Variants in CUX2 observed in about 807,000 individuals in gnomAD.
CUX2 encodes the protein homeobox protein cut-like 2.
Under a neutral mutation model 144.8 loss-of-function variants are expected in CUX2, and 40 were observed. That is an observed-to-expected ratio of 0.28 (90% confidence interval 0.21 to 0.36). The LOEUF (loss-of-function observed/expected upper bound fraction) is 0.36. Ranked by LOEUF, CUX2 falls within the 10% of genes least tolerant of loss-of-function variation. The pLI, the probability that CUX2 is intolerant of heterozygous loss-of-function variation, is 1.00. For synonymous variants in CUX2, 827 were observed against 875.6 expected (o/e 0.94, Z 0.98); for missense variants, 1,615 against 1,994.0 (o/e 0.81, Z 3.62).
chr12:111,310,735 A>G lies in CUX2; in HGVS notation c.1900+53A>G. On this transcript the variant is annotated intron_variant, in intron 15 of 21. Coordinates refer to ENST00000261726, the MANE Select transcript of CUX2 (RefSeq NM_015267.4). The surrounding 1 kb of genome is among the most constrained non-coding windows in gnomAD (Gnocchi z 7.9). ...CTGGCCACCACGCCAGGTCCAGGGC[A>G]TCAGGGCTGGGGGCTGAGGACACGC... is the stretch of plus-strand genomic sequence containing the variant. 2.0e-6 allele frequency: 3 copies of G among 1,535,582 alleles called. No homozygotes were observed. Among genetic ancestry groups the G allele is most frequent in the Middle Eastern group, 2.1e-4 (1 of 4,858 alleles).
chr12:111,291,232 G>A lies in CUX2; in HGVS notation c.302-186G>A, dbSNP rs112045940. On this transcript the variant is annotated intron_variant, in intron 4 of 21. Transcript: ENST00000261726. ...GGATACCCATACCCTGGAGATAGCA[G>A]GTGCTCCCCTGAACAAGTGCCTGGA... Among the ~76,000 whole-genome samples the A allele has an allele frequency of 1.2e-3, 180 of 152,258 alleles. 3 individuals carry two copies. The highest frequency in any genetic ancestry group is 4.2e-3 in the African/African-American group (174 of 41,542).
intron 1 of CUX2, among the ~76,000 whole-genome samples, chr12:111,137,951 C>G (rs1876023429): frequency 6.6e-6 from 1 of 152,262 alleles, no homozygotes; most frequent in African/African-American, 2.4e-5. Context: ...CTGAGTCCAG[C>G]CCTGCTGTCT....
chr12:111,093,290 G>A (rs902455505), intron 1 of CUX2, among the ~76,000 whole-genome samples: 1 of 152,100 alleles, frequency 6.6e-6, no homozygotes, highest in Non-Finnish European at 1.5e-5. Flanking sequence ...AGATGACCCC[G>A]ACTCCAGTAG....
chr12:111,094,362 G>C (rs921062519), intron 1 of CUX2, among the ~76,000 whole-genome samples: 1 of 152,240 alleles, frequency 6.6e-6, no homozygotes, highest in Non-Finnish European at 1.5e-5. Flanking sequence ...CGGGCAGAGG[G>C]AGGCAAGGGT....
chr12:111,161,783 G>A (rs548806354), intron 1 of CUX2, among the ~76,000 whole-genome samples: 1 of 152,270 alleles, frequency 6.6e-6, no homozygotes, highest in East Asian at 1.9e-4. Flanking sequence ...CACCCAGGCT[G>A]GAGTGCAGTG....
intron 1 of CUX2, among the ~76,000 whole-genome samples, chr12:111,065,860 C>G (rs1871000375): frequency 6.6e-6 from 1 of 152,126 alleles, no homozygotes; most frequent in Admixed American, 6.5e-5. Context: ...GCAGTGGGAC[C>G]CAGCAGTTTC....
At chr12:111,159,949 C>T (rs898994776) in intron 1 of CUX2, among the ~76,000 whole-genome samples, 2 of 152,122 alleles carry the variant, frequency 1.3e-5, no homozygotes, top group African/African-American at 4.8e-5. Flanking sequence ...CGCTTGAACC[C>T]GGGAGGCAGA....
intron 3 of CUX2, among the ~76,000 whole-genome samples, chr12:111,235,322 T>C (rs1284394842): frequency 6.6e-6 from 1 of 151,848 alleles, no homozygotes. Flanking sequence ...GCTTTTTGGA[T>C]ATATAAGGAA....
At chr12:111,253,536 C>T (rs1198629759) in intron 3 of CUX2, among the ~76,000 whole-genome samples, 1 of 152,190 alleles carries the variant, frequency 6.6e-6, no homozygotes, top group Non-Finnish European at 1.5e-5. Context: ...CATTCTCCTC[C>T]CCTGCACTTG....
At chr12:111,344,280 C>T (rs1009221324) in intron 21 of CUX2, among the ~76,000 whole-genome samples, 3 of 152,148 alleles carry the variant, frequency 2.0e-5, no homozygotes, top group Admixed American at 6.5e-5. Flanking sequence ...AACCAATCCC[C>T]GCCCTTAAGG....
In CUX2 at chr12:111,289,148, A is replaced by G. The variant is rs992612734; in HGVS notation, c.302-2270A>G. ...AAAAAAAGAAAAAAGGAAAAAAGAAAATTCTGGGGGAGAGACCAGGAAGAG... is the reference window on the plus strand; with the variant it reads ...AAAAAAAGAAAAAAGGAAAAAAGAAGATTCTGGGGGAGAGACCAGGAAGAG... On this transcript the variant is annotated intron_variant, in intron 4 of 21. Transcript: ENST00000261726. The surrounding 1 kb of genome is among the most constrained non-coding windows in gnomAD (Gnocchi z 4.1). Among the ~76,000 whole-genome samples, 5 of 152,010 alleles carry G rather than the reference A, an allele frequency of 3.3e-5. No individual in the cohort carries two copies. The highest frequency in any genetic ancestry group is 5.9e-5 in the Non-Finnish European group (4 of 68,002).
chr12:111,150,905 A>AC (rs563361760), intron 1 of CUX2, among the ~76,000 whole-genome samples: 2 of 149,994 alleles, frequency 1.3e-5, no homozygotes, highest in South Asian at 2.1e-4. Flanking sequence ...GGGGAAGGAA[A>AC]CCCCCCCAGC....
intron 1 of CUX2, among the ~76,000 whole-genome samples, chr12:111,164,329 A>G (rs910603859): frequency 2.0e-5 from 3 of 152,120 alleles, no homozygotes; most frequent in Non-Finnish European, 2.9e-5. Flanking sequence ...TAATCCCAGC[A>G]CTTTGGGAGG....
chr12:111,233,367 G>T (rs1467797178), intron 3 of CUX2, among the ~76,000 whole-genome samples: 2 of 152,036 alleles, frequency 1.3e-5, no homozygotes, highest in African/African-American at 2.4e-5. Flanking sequence ...ACAGACAAAG[G>T]TTCTTATTTA....
intron 3 of CUX2, among the ~76,000 whole-genome samples, chr12:111,238,955 G>A (rs143000119): frequency 6.6e-6 from 1 of 152,356 alleles, no homozygotes; most frequent in African/African-American, 2.4e-5. Context: ...TGAGGCTTGA[G>A]AATCCCTTGA....
intron 1 of CUX2, among the ~76,000 whole-genome samples, chr12:111,203,272 C>T (rs1880719204): frequency 1.3e-5 from 2 of 149,146 alleles, no homozygotes; most frequent in African/African-American, 5.0e-5. Context: ...GGGCCAGGTG[C>T]AGTAGTGCAC....
At chr12:111,334,952 A>G (rs1429652391) in intron 19 of CUX2, among the ~76,000 whole-genome samples, 1 of 152,148 alleles carries the variant, frequency 6.6e-6, no homozygotes, top group Non-Finnish European at 1.5e-5. Flanking sequence ...TACAAACTTC[A>G]CACGTGTTGG....
At position 111,304,948 on chromosome 12, in the gene CUX2, C is replaced by A. The variant is rs1886499604; in HGVS notation, c.858+634C>A. Among the ~76,000 whole-genome samples, 1 of 152,156 alleles carries A rather than the reference C, an allele frequency of 6.6e-6. No individual in the cohort carries two copies. On this transcript the variant is annotated intron_variant, in intron 10 of 21. Transcript: ENST00000261726. This position sits in a 1 kb window ranked among gnomAD's most constrained non-coding sequence, Gnocchi z 4.7. ...CTCAGCCATTGGTTTCCAAAGCATG[C>A]CAGGTGATTCTAGGGGGATTTCCCA...
In CUX2 at chr12:111,296,512, G is replaced by A. The variant is rs375029073; in HGVS notation, c.677G>A (p.Arg226Gln). The A allele has an allele frequency of 2.3e-5, 37 of 1,611,592 alleles. 1 individual carries two copies. Among genetic ancestry groups the A allele is most frequent in the African/African-American group, 2.3e-4 (17 of 74,992 alleles). Reference protein sequence around the residue: ...ATQAELLELRRKYDEEAASKA... With the variant: ...ATQAELLELRQKYDEEAASKA... ...CAGGCAGAGCTGCTAGAGCTGCGGCGGAAGTACGACGAGGAGGCAGCATCC... is the reference window on the plus strand; with the variant it reads ...CAGGCAGAGCTGCTAGAGCTGCGGCAGAAGTACGACGAGGAGGCAGCATCC... Residue 226 changes from arginine (R) to glutamine (Q), a missense_variant, in exon 8 of 22, where the codon CGG (arginine) becomes CAG (glutamine). Coordinates refer to ENST00000261726, the MANE Select transcript of CUX2 (RefSeq NM_015267.4).
Sources: gnomAD v4.1 joint callset for allele counts (sites outside exome capture counted in the v4.1 genomes callset) on GRCh38, gnomAD v4.1.1 for gene constraint, Gnocchi (gnomAD v3.1) non-coding constraint, MANE v1.5 for transcripts, NCBI Gene and HGNC (gene_info 2026-07-23, HGNC 2026-07-21) for gene names.